The following SCAPER variants were observed in gnomAD, a reference collection of about 807,000 sequenced individuals.
SCAPER encodes S-phase cyclin A associated protein in the ER, also known as S phase cyclin A-associated protein in the endoplasmic reticulum.
Under a neutral mutation model 182.2 loss-of-function variants are expected in SCAPER, and 98 were observed. The observed-to-expected ratio is 0.54, with a 90% CI of 0.46 to 0.64. The LOEUF (loss-of-function observed/expected upper bound fraction) is 0.64, where lower values mean the gene tolerates loss of function less well. Among genes scored for constraint, SCAPER ranks in the 30% least tolerant of loss-of-function variants. SCAPER has a pLI of 0.00. For synonymous variants in SCAPER, 605 were observed against 564.6 expected (o/e 1.07, Z -1.01); for missense variants, 1,432 against 1,690.0 (o/e 0.85, Z 2.68).
intron 21 of SCAPER, among the ~76,000 whole-genome samples, chr15:76,653,683 CT>C (rs1205956554): frequency 6.6e-6 from 1 of 152,210 alleles, no homozygotes; most frequent in Non-Finnish European, 1.5e-5. Context: ...TGGACCCCTA[CT>C]TTTCACCAGA....
chr15:76,825,457 A>G (rs1336818501), intron 5 of SCAPER, among the ~76,000 whole-genome samples: 1 of 152,226 alleles, frequency 6.6e-6, no homozygotes, highest in Non-Finnish European at 1.5e-5. Context: ...CAAGTCCATA[A>G]GTGCTATAAA....
intron 19 of SCAPER, 76 bp downstream of exon 19, chr15:76,702,774 T>C (rs929369162): frequency 1.3e-6 from 2 of 1,523,438 alleles, no homozygotes; most frequent in African/African-American, 1.4e-5. Context: ...TTTAAAAGAC[T>C]GCAAGAATAT....
intron 7 of SCAPER, among the ~76,000 whole-genome samples, chr15:76,796,959 G>A (rs968080062): frequency 4.5e-4 from 68 of 152,244 alleles, no homozygotes; most frequent in African/African-American, 1.5e-3. Context: ...TTTACTAAAT[G>A]CCATACAGTG....
At chr15:76,765,690 CT>C (rs2063069177) in intron 11 of SCAPER, 52 bp from the exon 12 acceptor site, 1 of 1,393,930 alleles carries the variant, frequency 7.2e-7, no homozygotes, top group Non-Finnish European at 1.0e-6. Context: ...ACAATTACAA[CT>C]TTAGAAAATG....
chr15:76,478,451 GCTTTT>G (rs2050836700), intron 24 of SCAPER, among the ~76,000 whole-genome samples: 1 of 151,800 alleles, frequency 6.6e-6, no homozygotes, highest in African/African-American at 2.4e-5. Context: ...TCTTTTTCCT[GCTTTT>G]CTTTTTGTGC....
At chr15:76,415,981 T>A (rs1443331477) in intron 26 of SCAPER, among the ~76,000 whole-genome samples, 1 of 152,136 alleles carries the variant, frequency 6.6e-6, no homozygotes, top group African/African-American at 2.4e-5. Context: ...ATATTAAAAA[T>A]GGCAATAATG....
intron 2 of SCAPER, among the ~76,000 whole-genome samples, chr15:76,873,075 T>C (rs7174048): frequency 0.85 from 120,424 of 142,196 alleles, 51,200 homozygotes; most frequent in Middle Eastern, 0.91. Flanking sequence ...TAGAGTAGAA[T>C]CTTGTCTCTA....
chr15:76,694,859 T>TTAA (rs2058568565), intron 20 of SCAPER, among the ~76,000 whole-genome samples: 1 of 152,104 alleles, frequency 6.6e-6, no homozygotes. Context: ...AGACAAGCTA[T>TTAA]TAATGTAACA....
chr15:76,842,634 C>T (rs76101229), intron 4 of SCAPER, among the ~76,000 whole-genome samples: 12,404 of 152,200 alleles, frequency 0.081, 640 homozygotes, highest in Non-Finnish European at 0.11. Flanking sequence ...CTAATACAGA[C>T]ATCATGAAAC....
intron 8 of SCAPER, among the ~76,000 whole-genome samples, chr15:76,783,321 A>C (rs1449306032): frequency 6.6e-6 from 1 of 152,202 alleles, no homozygotes; most frequent in Non-Finnish European, 1.5e-5. Context: ...CACCCTCCCA[A>C]GACTAAACTG....
At chr15:76,615,766 G>A (rs191367286) in intron 22 of SCAPER, among the ~76,000 whole-genome samples, 90 of 150,292 alleles carry the variant, frequency 6.0e-4, no homozygotes, top group Admixed American at 5.4e-3. Flanking sequence ...GTTGCAGTGA[G>A]GTGAGATCCC....
At chr15:76,771,688 T>C in intron 10 of SCAPER, 54 bp downstream of exon 10, 1 of 1,375,706 alleles carries the variant, frequency 7.3e-7, no homozygotes, top group Non-Finnish European at 1.0e-6. Context: ...TTTATGCTTC[T>C]TAAATATACT....
chr15:76,754,234 T>C lies in SCAPER; in HGVS notation c.1726-286A>G, dbSNP rs76330521. On this transcript the variant is annotated intron_variant, in intron 14 of 31. Transcript: ENST00000563290. ...AACATTACCTAACTCACAGGATTAT[T>C]TGAAGGTTCATAAAACTCTCAGAAC... Among the ~76,000 whole-genome samples the C allele has an allele frequency of 1.8e-4, 27 of 152,162 alleles. No homozygotes were observed. In the East Asian group the frequency reaches 3.8e-3, roughly 22 times the overall value.
intron 5 of SCAPER, among the ~76,000 whole-genome samples, chr15:76,815,001 A>G (rs1166732951): frequency 6.6e-6 from 1 of 152,058 alleles, no homozygotes; most frequent in Admixed American, 6.6e-5. Flanking sequence ...GCTAATAAGC[A>G]TAAGAAAAAG....
At chr15:76,397,805 A>G (rs1390814167) in intron 27 of SCAPER, among the ~76,000 whole-genome samples, 1 of 152,006 alleles carries the variant, frequency 6.6e-6, no homozygotes, top group African/African-American at 2.4e-5. Flanking sequence ...CTTCAATCTC[A>G]TCACTTGCTA....
In SCAPER at chr15:76,833,255, G is replaced by T. The variant is rs142403987; in HGVS notation, c.393+8479C>A. On this transcript the variant is annotated intron_variant, in intron 5 of 31. Coordinates refer to ENST00000563290, the MANE Select transcript of SCAPER (RefSeq NM_020843.4). Reference sequence around the variant, plus strand: ...CTTAATGAAAATAAATTCCAACCAAGAATTTCATATCCAGCCAAACTAAGC... The same window carrying T: ...CTTAATGAAAATAAATTCCAACCAATAATTTCATATCCAGCCAAACTAAGC... Among the ~76,000 whole-genome samples, 6 of 152,208 alleles carry T rather than the reference G, an allele frequency of 3.9e-5. No individual in the cohort carries two copies. The East Asian group carries it at 1.2e-3, about 29-fold the overall frequency.
At chr15:76,667,988 CA>C (rs773681985) in intron 20 of SCAPER, among the ~76,000 whole-genome samples, 15 of 152,038 alleles carry the variant, frequency 9.9e-5, no homozygotes, top group Non-Finnish European at 1.8e-4. Context: ...AAAGTCTCCT[CA>C]AAATCTCCAG....
intron 8 of SCAPER, among the ~76,000 whole-genome samples, chr15:76,788,089 C>T (rs1330933024): frequency 1.3e-5 from 2 of 152,142 alleles, no homozygotes; most frequent in Admixed American, 6.5e-5. Context: ...TGTTCAACAT[C>T]ATTAGTCATT....
chr15:76,738,495 G>A (rs886094816), intron 15 of SCAPER, among the ~76,000 whole-genome samples: 1 of 149,760 alleles, frequency 6.7e-6, no homozygotes, highest in Non-Finnish European at 1.5e-5. Flanking sequence ...CCGACATCAC[G>A]CCACTGCACT....
Sources: gnomAD v4.1 joint callset for allele counts (sites outside exome capture counted in the v4.1 genomes callset) on GRCh38, gnomAD v4.1.1 for gene constraint, MANE v1.5 for transcripts, NCBI Gene and HGNC (gene_info 2026-07-23, HGNC 2026-07-21) for gene names.